SMIM27: variants seen among roughly 807,000 people sequenced by gnomAD.
SMIM27 encodes the protein TOPORS antisense RNA 1 (non-protein coding).
In SMIM27, 3 loss-of-function variants were observed where a neutral mutation model predicts 1.8. The ratio of observed to expected loss-of-function variants is 1.65; its 90% CI spans 0.75 to 4.28. The LOEUF is 4.28. SMIM27 is among the 30% of genes most tolerant of loss of function. The pLI is 0.02. For synonymous variants in SMIM27, 19 were observed against 13.9 expected (o/e 1.37, Z -0.82); for missense variants, 63 against 37.0 (o/e 1.70, Z -1.83).
chr9:32,558,460 G>A (rs1337796605), intron 1 of SMIM27, among the ~76,000 whole-genome samples: 3 of 152,242 alleles, frequency 2.0e-5, no homozygotes, highest in South Asian at 4.1e-4. Context: ...ATTCACAGAT[G>A]GAGAACTTAA....
At chr9:32,555,276 G>A (rs1295129252), downstream of SMIM27, among the ~76,000 whole-genome samples, 1 of 152,124 alleles carries the variant, frequency 6.6e-6, no homozygotes, top group Non-Finnish European at 1.5e-5. Flanking sequence ...GGACCTTGTG[G>A]TATTGAAAAA....
chr9:32,563,254 G>A (rs1821678207), intron 1 of SMIM27, among the ~76,000 whole-genome samples: 1 of 152,084 alleles, frequency 6.6e-6, no homozygotes. Flanking sequence ...CTACTACAAA[G>A]ATACTCTTTC....
intron 1 of SMIM27, among the ~76,000 whole-genome samples, chr9:32,565,847 C>T (rs764362756): frequency 6.6e-6 from 1 of 152,100 alleles, no homozygotes; most frequent in Non-Finnish European, 1.5e-5. Flanking sequence ...TGGCACATAC[C>T]TGTAATCCTA....
downstream of SMIM27, among the ~76,000 whole-genome samples, chr9:32,557,766 C>T (rs1348924694): frequency 2.6e-5 from 4 of 152,020 alleles, no homozygotes; most frequent in Non-Finnish European, 5.9e-5. Context: ...CGTGAGCCAC[C>T]GCGCCTGGCC....
upstream of SMIM27, chr9:32,551,394 C>G (rs930393055): frequency 6.0e-6 from 2 of 333,406 alleles, no homozygotes; most frequent in African/African-American, 4.3e-5. Context: ...GGAAGCAACA[C>G]CAGGAGTCCA....
intron 1 of SMIM27, among the ~76,000 whole-genome samples, chr9:32,558,117 A>ATTTTTTTTTTTTTT (rs74178816): frequency 3.0e-5 from 4 of 135,254 alleles, no homozygotes; most frequent in African/African-American, 8.2e-5. Context: ...CATAGTATAC[A>ATTTTTTTTTTTTTT]TTTTTTTTTT....
At chr9:32,554,445 G>A (rs1033195050), downstream of SMIM27, among the ~76,000 whole-genome samples, 2 of 152,192 alleles carry the variant, frequency 1.3e-5, no homozygotes, top group African/African-American at 4.8e-5. Context: ...AAAAGGCATG[G>A]GCATTGAAGC....
At chr9:32,554,957 T>C (rs962749442), downstream of SMIM27, among the ~76,000 whole-genome samples, 4 of 152,194 alleles carry the variant, frequency 2.6e-5, no homozygotes, top group African/African-American at 9.7e-5. Flanking sequence ...GTTTGGATCC[T>C]TGGGATCCTT....
chr9:32,555,763 T>C (rs1276201475), downstream of SMIM27, among the ~76,000 whole-genome samples: 2 of 152,212 alleles, frequency 1.3e-5, no homozygotes, highest in African/African-American at 4.8e-5. Flanking sequence ...ACCATTTAGA[T>C]GTGGTCTAGG....
downstream of SMIM27, among the ~76,000 whole-genome samples, chr9:32,554,191 T>C (rs149206942): frequency 5.2e-3 from 785 of 152,168 alleles, 3 homozygotes; most frequent in African/African-American, 0.018. Context: ...GGCACGAAAA[T>C]TGTGTTCTCT....
At chr9:32,552,766 T>C in intron 1 of SMIM27, 35 bp from the exon 2 acceptor site, 1 of 694,990 alleles carries the variant, frequency 1.4e-6, no homozygotes, top group Non-Finnish European at 2.6e-6. Context: ...AAATATCAGG[T>C]AGATTTCACA....
chr9:32,551,869 G>T, upstream of SMIM27: 1 of 414,822 alleles, frequency 2.4e-6, no homozygotes. Flanking sequence ...TCTGAAGAAT[G>T]GCTCGATTTA....
At chr9:32,552,634 G>A in intron 1 of SMIM27, 155 bp downstream of exon 1, 1 of 700,842 alleles carries the variant, frequency 1.4e-6, no homozygotes, top group Admixed American at 2.1e-5. Context: ...TGGAGGATAC[G>A]ATCTTCCGCT....
At chr9:32,553,868 C>T (rs1211185061), downstream of SMIM27, 19 of 1,555,294 alleles carry the variant, frequency 1.2e-5, no homozygotes, top group South Asian at 2.2e-5. Flanking sequence ...TAACTTTTTA[C>T]ATAATCTTTA....
At chr9:32,558,127 T>C (rs920087609) in intron 1 of SMIM27, among the ~76,000 whole-genome samples, 1 of 151,184 alleles carries the variant, frequency 6.6e-6, no homozygotes, top group African/African-American at 2.4e-5. Flanking sequence ...ATTTTTTTTT[T>C]TTGAGACGGA....
chr9:32,554,694 C>T (rs1362668994), downstream of SMIM27, among the ~76,000 whole-genome samples: 2 of 152,134 alleles, frequency 1.3e-5, no homozygotes, highest in East Asian at 3.8e-4. Flanking sequence ...TGCCATTATA[C>T]ATTTGGGCAA....
downstream of SMIM27, among the ~76,000 whole-genome samples, chr9:32,555,778 T>C (rs898714960): frequency 7.2e-5 from 11 of 152,170 alleles, no homozygotes; most frequent in African/African-American, 2.7e-4. Context: ...TCTAGGTAGA[T>C]AATGAAAAGA....
rs772907250 is a variant in SMIM27 at position 32,558,866 on chromosome 9, G to GA, written c.45+6392dup. On this transcript the variant is annotated intron_variant, in intron 1 of 1. Transcript: ENST00000451672. ...CTTGGAAAGGGAGGAAAAGGAAAGA[G>GA]AAAAACAATAAACAAAAGAAAAATC... 3.7e-6 allele frequency: 5 copies of GA among 1,338,078 alleles called. No homozygotes were observed. In the East Asian group the frequency reaches 9.4e-5, roughly 25 times the overall value. The allele number at this position is 1,338,078 out of a possible 1,614,324, so 82.9% of individuals were successfully genotyped here.
At chr9:32,553,352 C>G (rs140674194), downstream of SMIM27, 1 of 168,046 alleles carries the variant, frequency 6.0e-6, no homozygotes, top group African/African-American at 2.4e-5. Flanking sequence ...CCACGCCCGG[C>G]TAATTTTTTT....
Sources: gnomAD v4.1 joint callset for allele counts (sites outside exome capture counted in the v4.1 genomes callset) on GRCh38, gnomAD v4.1.1 for gene constraint, MANE v1.5 for transcripts, NCBI Gene and HGNC (gene_info 2026-07-23, HGNC 2026-07-21) for gene names.